CACNA1C: variants seen among roughly 807,000 people sequenced by gnomAD.
The protein encoded by CACNA1C is voltage-dependent L-type calcium channel subunit alpha-1C.
Under a neutral mutation model 229.0 loss-of-function variants are expected in CACNA1C, and 30 were observed. The observed-to-expected ratio is 0.13, with a 90% CI of 0.10 to 0.18. The LOEUF (loss-of-function observed/expected upper bound fraction) is 0.18, where lower values mean the gene tolerates loss of function less well. CACNA1C is among the 10% of genes least tolerant of loss of function. The pLI, the probability that CACNA1C is intolerant of heterozygous loss-of-function variation, is 1.00. For missense variants in CACNA1C, 1,658 were observed against 2,845.0 expected, an observed-to-expected ratio of 0.58 and a Z score of 9.49; for synonymous variants, 1,114 against 1,132.5, an observed-to-expected ratio of 0.98 and a Z score of 0.33.
chr12:2,139,843 C>T (rs2093964710), intron 3 of CACNA1C, among the ~76,000 whole-genome samples: 1 of 151,298 alleles, frequency 6.6e-6, no homozygotes, highest in Admixed American at 6.6e-5. Flanking sequence ...GGTGAGGCCG[C>T]TCCCAGGACA....
intron 19 of CACNA1C, 26 bp downstream of exon 19, chr12:2,593,371 G>C (rs1292943595): frequency 1.2e-6 from 2 of 1,612,460 alleles, no homozygotes; most frequent in Non-Finnish European, 1.7e-6. Context: ...GGGGAAGGTG[G>C]GGTCCTGCTC....
Position 1,971,310 on chromosome 12 carries a change from T to A in CACNA1C, c.139+109T>A. 5.2e-6 allele frequency: 3 copies of A among 572,420 alleles called. No homozygotes were observed. Among genetic ancestry groups the A allele is most frequent in the Non-Finnish European group, 8.1e-6 (3 of 371,988 alleles). The allele number at this position is 572,420 out of a possible 1,614,324, so 35.5% of individuals were successfully genotyped here. A position where few individuals can be genotyped will look rare whatever the true frequency, so the allele number is the denominator to read the frequency against. On this transcript the variant is annotated intron_variant, in intron 1 of 46. Coordinates refer to the CACNA1C transcript ENST00000682462. The surrounding 1 kb of genome is among the most constrained non-coding windows in gnomAD (Gnocchi z 4.2). ...CTTCCTCACTCTAAGAACTCATCTC[T>A]CCATATTTAATCAGGATTTACCACA...
chr12:1,995,706 T>A (rs1310750015), intron 1 of CACNA1C, among the ~76,000 whole-genome samples: 1 of 152,260 alleles, frequency 6.6e-6, no homozygotes, highest in African/African-American at 2.4e-5. Context: ...CTCTGTGCTG[T>A]TCTAGTCCTG....
At chr12:2,458,684 A>G (rs994558594) in intron 5 of CACNA1C, among the ~76,000 whole-genome samples, 2 of 152,190 alleles carry the variant, frequency 1.3e-5, no homozygotes, top group African/African-American at 4.8e-5. Flanking sequence ...CCGAATGCAC[A>G]GCCTCTCCTA....
intron 8 of CACNA1C, among the ~76,000 whole-genome samples, chr12:2,505,422 G>A (rs1678015713): frequency 6.6e-6 from 1 of 152,126 alleles, no homozygotes; most frequent in African/African-American, 2.4e-5. Flanking sequence ...GAGGAGATGG[G>A]ATGCAATTTC....
chr12:2,393,154 C>G lies in CACNA1C; in HGVS notation c.478-55822C>G, dbSNP rs572713532. On this transcript the variant is annotated intron_variant, in intron 3 of 46. Coordinates refer to ENST00000399655, the MANE Select transcript of CACNA1C (RefSeq NM_000719.7). The stretch of plus-strand genomic sequence containing the variant: ...GAAGCTAAGGCTGCAGCTTCATCTC[C>G]CATGGAAACCTGGGCTCACTAGGAG... 4.3e-4 allele frequency among the ~76,000 whole-genome samples: 66 copies of G among 152,306 alleles called. No homozygotes were observed. The South Asian group carries it at 0.013, about 31-fold the overall frequency.
At position 2,599,727 on chromosome 12, in the gene CACNA1C, A is replaced by G. The variant is rs144077800; in HGVS notation, c.2854-2127A>G. On this transcript the variant is annotated intron_variant, in intron 21 of 46. Transcript: ENST00000399655. ...CGAGGTGGCTGGCAATCAGAAAAAA[A>G]GGGTCAAAGAGGAACAATTAGCACT... Among the ~76,000 whole-genome samples, 3 of 152,238 alleles carry G rather than the reference A, an allele frequency of 2.0e-5. No homozygotes were observed. The East Asian group carries it at 5.8e-4, about 30-fold the overall frequency.
chr12:2,351,732 C>G (rs1202739967), intron 3 of CACNA1C, among the ~76,000 whole-genome samples: 1 of 152,186 alleles, frequency 6.6e-6, no homozygotes, highest in Non-Finnish European at 1.5e-5. Context: ...ACGCCTGTGT[C>G]CTGGCTTAGG....
chr12:2,577,908 G>T (rs1041942185), intron 13 of CACNA1C, among the ~76,000 whole-genome samples: 1 of 146,670 alleles, frequency 6.8e-6, no homozygotes, highest in Non-Finnish European at 1.5e-5. Context: ...TCGCTCTGTC[G>T]CCCAGGCTGG....
At chr12:2,282,380 G>T (rs2091543412) in intron 3 of CACNA1C, among the ~76,000 whole-genome samples, 1 of 152,196 alleles carries the variant, frequency 6.6e-6, no homozygotes. Flanking sequence ...ACTCTTGGCA[G>T]ACAGGGCTGA....
chr12:2,181,721 T>A lies in CACNA1C; in HGVS notation c.477+61291T>A, dbSNP rs2096845903. On this transcript the variant is annotated intron_variant, in intron 3 of 46. Transcript: ENST00000399655. The surrounding 1 kb of genome is among the most constrained non-coding windows in gnomAD (Gnocchi z 4.0). ...ACCCACATCCACGATATCGTTTTTT[T>A]ACAGCTCATTACTGAATCCTCACAA... Among the ~76,000 whole-genome samples, 1 of 152,168 alleles carries A rather than the reference T, an allele frequency of 6.6e-6. No homozygotes were observed. Among genetic ancestry groups the A allele is most frequent in the Non-Finnish European group, 1.5e-5 (1 of 68,034 alleles).
At chr12:2,229,509 G>A (rs1489137946) in intron 3 of CACNA1C, among the ~76,000 whole-genome samples, 1 of 152,156 alleles carries the variant, frequency 6.6e-6, no homozygotes, top group Admixed American at 6.5e-5. Context: ...TTACAATCTA[G>A]TAGAGAGACA....
chr12:2,458,676 G>T (rs1019120543), intron 5 of CACNA1C, among the ~76,000 whole-genome samples: 1 of 152,166 alleles, frequency 6.6e-6, no homozygotes, highest in African/African-American at 2.4e-5. Flanking sequence ...GAGGACCTCC[G>T]AATGCACAGC....
chr12:2,431,283 G>C (rs77506370), intron 3 of CACNA1C, among the ~76,000 whole-genome samples: 2,331 of 152,260 alleles, frequency 0.015, 25 homozygotes, highest in Non-Finnish European at 0.024. Context: ...TAGGAGAACC[G>C]AAGTTTGGGA....
rs1020237891 is a variant in CACNA1C at position 2,054,608 on chromosome 12, G to C, written c.49+997G>C. 6.6e-6 allele frequency among the ~76,000 whole-genome samples: 1 copy of C among 152,116 alleles called. No homozygotes were observed. Among genetic ancestry groups the C allele is most frequent in the African/African-American group, 2.4e-5 (1 of 41,438 alleles). On this transcript the variant is annotated intron_variant, in intron 1 of 46. Coordinates refer to ENST00000399655, the MANE Select transcript of CACNA1C (RefSeq NM_000719.7). This position sits in a 1 kb window ranked among gnomAD's most constrained non-coding sequence, Gnocchi z 5.5. Reference sequence around the variant, plus strand: ...ATATTAACAAGTTGTTTTCTTGGACGTTGCTTAGCATTTAAGGTTTTGGGG... The same window carrying C: ...ATATTAACAAGTTGTTTTCTTGGACCTTGCTTAGCATTTAAGGTTTTGGGG...
intron 3 of CACNA1C, among the ~76,000 whole-genome samples, chr12:2,356,679 G>C (rs1241987156): frequency 2.0e-5 from 3 of 152,254 alleles, no homozygotes; most frequent in Non-Finnish European, 4.4e-5. Context: ...AGCGCTAGCT[G>C]TCTGACCCTG....
At chr12:2,642,908 T>C (rs987950059) in intron 30 of CACNA1C, among the ~76,000 whole-genome samples, 4 of 152,222 alleles carry the variant, frequency 2.6e-5, no homozygotes, top group Non-Finnish European at 4.4e-5. Context: ...TAATAACACC[T>C]TGGGAGCCAT....
rs1378478190 is a variant in CACNA1C, at chr12:2,686,378, G to T, written c.5784+109G>T. 6 of 888,100 alleles carry T rather than the reference G, an allele frequency of 6.8e-6. No individual in the cohort carries two copies. In the East Asian group the frequency reaches 1.4e-4, roughly 21 times the overall value. 55.0% of individuals were successfully genotyped at this position (888,100 alleles called of 1,614,324 possible). A position where few individuals can be genotyped will look rare whatever the true frequency, so the allele number is the denominator to read the frequency against. ...CAGTGGGTCTTGCCTGTCTCAGATG[G>T]CTGGCACGTCCTGCCCCTGCCCTAA... On this transcript the variant is annotated intron_variant, in intron 45 of 46. Coordinates refer to ENST00000399655, the MANE Select transcript of CACNA1C (RefSeq NM_000719.7).
intron 3 of CACNA1C, among the ~76,000 whole-genome samples, chr12:2,204,938 A>T (rs12827667): frequency 0.36 from 52,130 of 145,892 alleles, 9,578 homozygotes; most frequent in Non-Finnish European, 0.4. Flanking sequence ...AAACTTTAAT[A>T]AAAAAAAATA....
Sources: gnomAD v4.1 joint callset for allele counts (sites outside exome capture counted in the v4.1 genomes callset) on GRCh38, gnomAD v4.1.1 for gene constraint, Gnocchi (gnomAD v3.1) non-coding constraint, MANE v1.5 for transcripts, NCBI Gene and HGNC (gene_info 2026-07-23, HGNC 2026-07-21) for gene names.